The following ADAMTS6 variants were observed in gnomAD, a reference collection of about 807,000 sequenced individuals.
ADAMTS6 encodes ADAM metallopeptidase with thrombospondin type 1 motif 6, also known as A disintegrin and metalloproteinase with thrombospondin motifs 6.
A neutral mutation model predicts 144.3 loss-of-function variants in ADAMTS6; 23 were observed. The observed-to-expected ratio is 0.16, with a 90% CI of 0.11 to 0.23. The LOEUF (loss-of-function observed/expected upper bound fraction) is 0.23. Ranked by LOEUF, ADAMTS6 falls within the 10% of genes least tolerant of loss-of-function variation. The pLI is 1.00. For synonymous variants in ADAMTS6, 444 were observed against 457.5 expected (o/e 0.97, Z 0.38); for missense variants, 999 against 1,379.6 (o/e 0.72, Z 4.37).
intron 7 of ADAMTS6, among the ~76,000 whole-genome samples, chr5:65,403,744 T>C (rs1281281985): frequency 6.6e-6 from 1 of 152,062 alleles, no homozygotes; most frequent in African/African-American, 2.4e-5. Context: ...ACATGTAAAA[T>C]AGCAATTCCC....
chr5:65,478,402 T>C (rs1760984260), intron 1 of ADAMTS6, among the ~76,000 whole-genome samples: 1 of 152,226 alleles, frequency 6.6e-6, no homozygotes, highest in Non-Finnish European at 1.5e-5. Context: ...ATCATTATGT[T>C]GTGGAAAGCA....
intron 10 of ADAMTS6, among the ~76,000 whole-genome samples, chr5:65,293,074 G>A (rs1172214887): frequency 6.6e-6 from 1 of 151,890 alleles, no homozygotes; most frequent in Non-Finnish European, 1.5e-5. Context: ...AATGCTACTA[G>A]TAAATCTTAA....
chr5:65,352,763 G>C (rs1443561584), intron 7 of ADAMTS6, among the ~76,000 whole-genome samples: 1 of 151,904 alleles, frequency 6.6e-6, no homozygotes, highest in Non-Finnish European at 1.5e-5. Context: ...CTCTTATCTT[G>C]ATTTCTCTTC....
intron 18 of ADAMTS6, among the ~76,000 whole-genome samples, chr5:65,223,004 A>T (rs1306971802): frequency 1.3e-5 from 2 of 151,684 alleles, no homozygotes; most frequent in East Asian, 1.9e-4. Flanking sequence ...GGAAAAAAAA[A>T]TTTTAAATGG....
chr5:65,215,301 T>C, intron 19 of ADAMTS6, 23 bp downstream of exon 19: 1 of 1,608,864 alleles, frequency 6.2e-7, no homozygotes, highest in Non-Finnish European at 8.5e-7. Context: ...ACAGAAGAAA[T>C]ACAATGGCAA....
At chr5:65,196,197 A>G (rs889126220) in intron 21 of ADAMTS6, among the ~76,000 whole-genome samples, 1 of 152,154 alleles carries the variant, frequency 6.6e-6, no homozygotes, top group African/African-American at 2.4e-5. Context: ...CAGCAAATTA[A>G]AGCCCTGATA....
At chr5:65,314,670 C>T (rs747357766) in intron 9 of ADAMTS6, among the ~76,000 whole-genome samples, 2 of 152,084 alleles carry the variant, frequency 1.3e-5, no homozygotes, top group African/African-American at 4.8e-5. Flanking sequence ...ATACACCTTA[C>T]TCCTGGAGAA....
chr5:65,361,431 C>G (rs777683608), intron 7 of ADAMTS6, among the ~76,000 whole-genome samples: 2 of 152,180 alleles, frequency 1.3e-5, no homozygotes, highest in Non-Finnish European at 2.9e-5. Flanking sequence ...AATACCACTT[C>G]ATAGAACTAG....
chr5:65,466,086 C>T (rs1254366371), intron 3 of ADAMTS6, among the ~76,000 whole-genome samples: 7 of 152,302 alleles, frequency 4.6e-5, no homozygotes, highest in South Asian at 2.1e-4. Flanking sequence ...ACCTACTCCT[C>T]GAACAGCTTT....
At chr5:65,253,445 G>A (rs6888666) in intron 14 of ADAMTS6, among the ~76,000 whole-genome samples, 9,832 of 152,122 alleles carry the variant, frequency 0.065, 1,086 homozygotes, top group African/African-American at 0.22. Context: ...AACGCTTATG[G>A]ATTGTTATCT....
chr5:65,321,708 CTTTTTTTTTTTTTTTTT>C (rs529236363), intron 9 of ADAMTS6, among the ~76,000 whole-genome samples: 1 of 78,852 alleles, frequency 1.3e-5, no homozygotes, highest in Non-Finnish European at 2.3e-5. Context: ...TTTTCTTTTC[CTTTTTTTTTTTTTTTTT>C]TTTTTTTTGA....
At chr5:65,327,071 C>CT (rs1277591529) in intron 9 of ADAMTS6, among the ~76,000 whole-genome samples, 1 of 152,014 alleles carries the variant, frequency 6.6e-6, no homozygotes, top group African/African-American at 2.4e-5. Flanking sequence ...TGGTGCCTTC[C>CT]TGGGGAGAAT....
intron 7 of ADAMTS6, among the ~76,000 whole-genome samples, chr5:65,401,762 T>C (rs1348773562): frequency 2.0e-5 from 3 of 152,206 alleles, no homozygotes; most frequent in African/African-American, 7.2e-5. Context: ...CTTATAGATG[T>C]AAGAAGAGTT....
intron 11 of ADAMTS6, among the ~76,000 whole-genome samples, chr5:65,282,226 C>G (rs553122560): frequency 2.0e-4 from 30 of 152,048 alleles, no homozygotes; most frequent in African/African-American, 7.2e-4. Context: ...GGTCAGGCTA[C>G]AGCTTGGTTT....
chr5:65,455,086 C>T (rs1037320241), intron 4 of ADAMTS6, among the ~76,000 whole-genome samples: 7 of 152,224 alleles, frequency 4.6e-5, no homozygotes, highest in African/African-American at 1.7e-4. Context: ...TAGTCTCTTA[C>T]TCTGGCTAAA....
chr5:65,385,021 G>A (rs1228596164), intron 7 of ADAMTS6, among the ~76,000 whole-genome samples: 1 of 152,102 alleles, frequency 6.6e-6, no homozygotes, highest in East Asian at 1.9e-4. Flanking sequence ...GCTCCCTCAG[G>A]CTTCTTTTAT....
chr5:65,385,520 A>G (rs1752409276), intron 7 of ADAMTS6, among the ~76,000 whole-genome samples: 1 of 152,216 alleles, frequency 6.6e-6, no homozygotes, highest in Non-Finnish European at 1.5e-5. Context: ...ATCAATTGCT[A>G]TGTATAAAGG....
chr5:65,203,984 G>A (rs1028035406), intron 20 of ADAMTS6, among the ~76,000 whole-genome samples: 10 of 152,142 alleles, frequency 6.6e-5, no homozygotes, highest in East Asian at 1.9e-4. Flanking sequence ...AACCCTGCTC[G>A]TGTTAGGGAA....
chr5:65,313,957 T>C (rs1255656528), intron 9 of ADAMTS6, among the ~76,000 whole-genome samples: 1 of 152,002 alleles, frequency 6.6e-6, no homozygotes, highest in South Asian at 2.1e-4. Flanking sequence ...ATACATCATG[T>C]CTAGCTTTCA....
Sources: allele counts gnomAD v4.1 joint callset (sites outside exome capture counted in the v4.1 genomes callset), GRCh38; gene constraint gnomAD v4.1.1; transcripts MANE v1.5; gene names NCBI Gene and HGNC (gene_info 2026-07-23, HGNC 2026-07-21).